The following RREB1 variants were observed in gnomAD, a reference collection of about 807,000 sequenced individuals.
RREB1 encodes the protein ras responsive element binding protein 1, also known as ras-responsive element-binding protein 1.
In RREB1, 27 loss-of-function variants were observed where a neutral mutation model predicts 117.8. The ratio of observed to expected loss-of-function variants is 0.23; its 90% CI spans 0.17 to 0.32. The LOEUF (loss-of-function observed/expected upper bound fraction) is 0.32, where lower values mean the gene tolerates loss of function less well. Ranked by LOEUF, RREB1 falls within the 10% of genes least tolerant of loss-of-function variation. The pLI is 1.00. For synonymous variants in RREB1, 1,298 were observed against 1,026.7 expected, an observed-to-expected ratio of 1.26 and a Z score of -5.05; for missense variants, 2,577 against 2,378.2, an observed-to-expected ratio of 1.08 and a Z score of -1.74.
At chr6:7,144,495 G>A (rs1390419022) in intron 1 of RREB1, among the ~76,000 whole-genome samples, 1 of 152,150 alleles carries the variant, frequency 6.6e-6, no homozygotes, top group African/African-American at 2.4e-5. Flanking sequence ...CTTATCCAAA[G>A]GTGATAGCAT....
At chr6:7,226,801 A>C in intron 9 of RREB1, 145 bp downstream of exon 9, 1 of 675,826 alleles carries the variant, frequency 1.5e-6, no homozygotes, top group Non-Finnish European at 2.5e-6. Context: ...TTTTTCTTAA[A>C]ATTATTGTTG....
At chr6:7,180,948 T>C (rs1048884448) in intron 2 of RREB1, among the ~76,000 whole-genome samples, 176 bp from the exon 3 acceptor site, 3 of 152,112 alleles carry the variant, frequency 2.0e-5, no homozygotes, top group Non-Finnish European at 2.9e-5. Context: ...TAAGATAAGG[T>C]TGAGAAACAG....
At chr6:7,237,278 G>C (rs1228798234) in intron 10 of RREB1, among the ~76,000 whole-genome samples, 12 of 152,002 alleles carry the variant, frequency 7.9e-5, no homozygotes, top group African/African-American at 2.9e-4. Flanking sequence ...GTAGAGACAG[G>C]GTTTCACCAC....
intron 1 of RREB1, among the ~76,000 whole-genome samples, chr6:7,117,391 T>TTTG: frequency 4.5e-5 from 1 of 22,132 alleles, no homozygotes; most frequent in African/African-American, 1.3e-4. Context: ...GTTTCCTGTT[T>TTTG]TTTTTTTTTT....
At chr6:7,234,466 T>C (rs1369467254) in intron 10 of RREB1, among the ~76,000 whole-genome samples, 1 of 152,222 alleles carries the variant, frequency 6.6e-6, no homozygotes, top group Non-Finnish European at 1.5e-5. Context: ...CTGATATGTG[T>C]TCCCATTTGT....
Position 7,246,870 on chromosome 6 carries a change from G to A in RREB1, c.4420G>A (p.Glu1474Lys), listed in dbSNP as rs1160728608. 5.8e-6 allele frequency: 9 copies of A among 1,552,822 alleles called. No homozygotes were observed. The highest frequency in any genetic ancestry group is 2.0e-5 in the Admixed American group (1 of 51,230). Reference sequence around the variant, plus strand: ...CCACCGGAAGGCGCACGGCCGCCAGGAGCCCAAGGACGAGAAGGGAGATGG... The same window carrying A: ...CCACCGGAAGGCGCACGGCCGCCAGAAGCCCAAGGACGAGAAGGGAGATGG... ...SRHRKAHGRQ[E>K]PKDEKGDGAS... is the part of the protein sequence containing the mutation. The change falls in exon 12 of 13, where the codon GAG becomes AAG. Residue 1474 changes from glutamate (E) to lysine (K), a missense_variant. Physicochemically the swap from Glu to Lys is moderately conservative, Grantham distance 56 (BLOSUM62 1). Transcript: ENST00000379938.
At chr6:7,178,930 A>G (rs1764645091) in intron 2 of RREB1, among the ~76,000 whole-genome samples, 1 of 152,230 alleles carries the variant, frequency 6.6e-6, no homozygotes, top group South Asian at 2.1e-4. Flanking sequence ...AAGTGGGATA[A>G]GCTTTTGCAA....
At chr6:7,227,625 A>AT (rs1374057510) in intron 9 of RREB1, among the ~76,000 whole-genome samples, 1 of 152,152 alleles carries the variant, frequency 6.6e-6, no homozygotes, top group Non-Finnish European at 1.5e-5. Flanking sequence ...AATTCGTGGG[A>AT]TTTTAAAAAA....
chr6:7,129,874 A>G (rs1170899338), intron 1 of RREB1, among the ~76,000 whole-genome samples: 2 of 152,176 alleles, frequency 1.3e-5, no homozygotes, highest in East Asian at 3.9e-4. Context: ...TATCTTGTTT[A>G]TAATGTTGGT....
At chr6:7,134,224 GTGTT>G (rs1039157538) in intron 1 of RREB1, among the ~76,000 whole-genome samples, 2 of 152,216 alleles carry the variant, frequency 1.3e-5, no homozygotes, top group African/African-American at 4.8e-5. Flanking sequence ...CAAAATGTGT[GTGTT>G]TATTTTTGGA....
In RREB1 at chr6:7,187,537, G is replaced by GTTATTTTATT. The variant is rs1554122275; in HGVS notation, c.261+16_261+17insATTTTATTTT. 9.2e-7 allele frequency: 1 copy of GTTATTTTATT among 1,084,386 alleles called. No homozygotes were observed. The highest frequency in any genetic ancestry group is 2.8e-5 in the East Asian group (1 of 35,254). The allele number at this position is 1,084,386 out of a possible 1,614,324, so 67.2% of individuals were successfully genotyped here. A position where few individuals can be genotyped will look rare whatever the true frequency, so the allele number is the denominator to read the frequency against. ...CACATTCGCCAGGTAGATTCCCACT[G>GTTATTTTATT]TTCTTTTATTTTATTTTATTTTATT... On this transcript the variant is annotated intron_variant, in intron 5 of 12. Transcript: ENST00000379938.
intron 1 of RREB1, among the ~76,000 whole-genome samples, chr6:7,109,195 C>T (rs962517256): frequency 5.3e-5 from 8 of 151,916 alleles, no homozygotes; most frequent in Non-Finnish European, 1.2e-4. Flanking sequence ...GCTTCCCTTC[C>T]TCCTCCCATC....
intron 1 of RREB1, among the ~76,000 whole-genome samples, chr6:7,128,298 G>A (rs1762018984): frequency 1.3e-5 from 2 of 152,056 alleles, no homozygotes; most frequent in African/African-American, 2.4e-5. Flanking sequence ...ATGTGTTCTC[G>A]CATTTGAGAT....
intron 1 of RREB1, among the ~76,000 whole-genome samples, chr6:7,138,521 A>T (rs1443622896): frequency 6.6e-6 from 1 of 152,236 alleles, no homozygotes; most frequent in East Asian, 1.9e-4. Context: ...TCTTCAGAAA[A>T]TGAAAGTTTA....
intron 1 of RREB1, among the ~76,000 whole-genome samples, chr6:7,146,533 C>T (rs1035270964): frequency 8.5e-5 from 13 of 152,050 alleles, no homozygotes; most frequent in Admixed American, 2.0e-4. Flanking sequence ...ACTTAGGGGA[C>T]GTCTTGTGGC....
chr6:7,234,665 G>A (rs199962623), intron 10 of RREB1, among the ~76,000 whole-genome samples: 6 of 152,176 alleles, frequency 3.9e-5, no homozygotes, highest in Non-Finnish European at 8.8e-5. Flanking sequence ...TGTCTGCTTT[G>A]GCGCAGTCCC....
intron 1 of RREB1, among the ~76,000 whole-genome samples, chr6:7,136,460 G>A (rs550700582): frequency 6.6e-6 from 1 of 152,196 alleles, no homozygotes; most frequent in East Asian, 1.9e-4. Context: ...TTTTTAAATA[G>A]AGATAAGGTC....
chr6:7,114,263 A>G (rs1761279866), intron 1 of RREB1, among the ~76,000 whole-genome samples: 1 of 152,170 alleles, frequency 6.6e-6, no homozygotes, highest in South Asian at 2.1e-4. Flanking sequence ...GTGGGACTAC[A>G]GGCACACACC....
chr6:7,169,572 G>A (rs928828911), intron 1 of RREB1, among the ~76,000 whole-genome samples: 4 of 152,174 alleles, frequency 2.6e-5, no homozygotes, highest in Non-Finnish European at 5.9e-5. Context: ...CAGGGGAGCC[G>A]GGTGCTGTGT....
Sources: gnomAD v4.1 joint callset for allele counts (sites outside exome capture counted in the v4.1 genomes callset) on GRCh38, gnomAD v4.1.1 for gene constraint, MANE v1.5 for transcripts, NCBI Gene and HGNC (gene_info 2026-07-23, HGNC 2026-07-21) for gene names.